The following EYA4 variants were observed in gnomAD, a reference collection of about 807,000 sequenced individuals.
EYA4 encodes EYA transcriptional coactivator and phosphatase 4.
A neutral mutation model predicts 87.9 loss-of-function variants in EYA4; 31 were observed. The observed-to-expected ratio is 0.35, with a 90% CI of 0.27 to 0.48. EYA4 has a LOEUF of 0.48. EYA4 is among the 20% of genes least tolerant of loss of function. The pLI is 0.99. For synonymous variants in EYA4, 263 were observed against 270.6 expected (o/e 0.97, Z 0.28); for missense variants, 678 against 761.4 (o/e 0.89, Z 1.29).
intron 6 of EYA4, among the ~76,000 whole-genome samples, chr6:133,457,578 A>T (rs1430191055): frequency 6.6e-6 from 1 of 152,168 alleles, no homozygotes; most frequent in Non-Finnish European, 1.5e-5. Context: ...TTTACAGATG[A>T]TCTAATTTCA....
chr6:133,476,676 T>C (rs921580988), intron 11 of EYA4, among the ~76,000 whole-genome samples: 6 of 152,148 alleles, frequency 3.9e-5, no homozygotes, highest in African/African-American at 9.7e-5. Context: ...GTTGACTCCA[T>C]ATCTTGGCTA....
At chr6:133,511,871 C>G (rs1799174514) in intron 14 of EYA4, 1 of 151,964 alleles carries the variant, frequency 6.6e-6, no homozygotes, top group African/African-American at 2.4e-5. Flanking sequence ...GTCCCAGCTA[C>G]TCGGGAGGCT....
intron 2 of EYA4, among the ~76,000 whole-genome samples, chr6:133,341,568 CT>C (rs772011303): frequency 5.9e-5 from 9 of 151,946 alleles, no homozygotes; most frequent in Non-Finnish European, 1.3e-4. Context: ...TAAGAATAGC[CT>C]AATAAATTCT....
chr6:133,425,602 T>G (rs1446393103), intron 3 of EYA4, among the ~76,000 whole-genome samples: 3 of 150,822 alleles, frequency 2.0e-5, no homozygotes, highest in African/African-American at 7.5e-5. Context: ...GAATTATTTT[T>G]GTAATGTCCC....
At chr6:133,242,084 C>A (rs901843288) in intron 1 of EYA4, among the ~76,000 whole-genome samples, 1 of 152,234 alleles carries the variant, frequency 6.6e-6, no homozygotes, top group African/African-American at 2.4e-5. Flanking sequence ...ATCCAGCAGT[C>A]CAGCGCGCGG....
chr6:133,282,116 G>A (rs1777675990), intron 2 of EYA4, among the ~76,000 whole-genome samples: 1 of 152,130 alleles, frequency 6.6e-6, no homozygotes, highest in South Asian at 2.1e-4. Context: ...CCAGTAGTAG[G>A]ATTGCTGGGT....
chr6:133,357,940 A>G (rs1387272089), intron 2 of EYA4, among the ~76,000 whole-genome samples: 1 of 151,750 alleles, frequency 6.6e-6, no homozygotes, highest in Non-Finnish European at 1.5e-5. Context: ...ATTTGAGAAA[A>G]ATAATTATCT....
At chr6:133,489,343 G>A (rs868791630) in intron 13 of EYA4, among the ~76,000 whole-genome samples, 1 of 152,048 alleles carries the variant, frequency 6.6e-6, no homozygotes, top group Non-Finnish European at 1.5e-5. Context: ...TTATTGAAAA[G>A]GATAATAACA....
intron 2 of EYA4, among the ~76,000 whole-genome samples, chr6:133,344,207 G>A (rs1484330238): frequency 1.3e-5 from 2 of 152,162 alleles, no homozygotes; most frequent in African/African-American, 4.8e-5. Flanking sequence ...AAGAGATCGG[G>A]AGACCCAAGC....
intron 2 of EYA4, among the ~76,000 whole-genome samples, chr6:133,346,960 T>G (rs1783242031): frequency 6.6e-6 from 1 of 152,202 alleles, no homozygotes; most frequent in East Asian, 1.9e-4. Flanking sequence ...ATACTGACAT[T>G]GTAAAGATGA....
intron 3 of EYA4, among the ~76,000 whole-genome samples, chr6:133,390,539 C>T (rs902242220): frequency 9.9e-5 from 15 of 152,182 alleles, no homozygotes; most frequent in African/African-American, 2.7e-4. Flanking sequence ...CCTTATTTTA[C>T]TCTGTTAAAT....
At chr6:133,435,722 G>A (rs1029096904) in intron 3 of EYA4, among the ~76,000 whole-genome samples, 1 of 152,156 alleles carries the variant, frequency 6.6e-6, no homozygotes, top group Non-Finnish European at 1.5e-5. Context: ...CTGATACACA[G>A]CAGTGGCATG....
intron 3 of EYA4, among the ~76,000 whole-genome samples, chr6:133,398,159 A>G (rs1286322269): frequency 5.3e-5 from 8 of 152,230 alleles, no homozygotes; most frequent in African/African-American, 1.9e-4. Context: ...CTTGTTGCCT[A>G]GTCAAGAAAC....
intron 1 of EYA4, among the ~76,000 whole-genome samples, chr6:133,259,067 A>G (rs1025518334): frequency 6.6e-6 from 1 of 152,180 alleles, no homozygotes; most frequent in African/African-American, 2.4e-5. Context: ...TTTATAATTG[A>G]GTGATTTAAA....
At position 133,498,364 on chromosome 6, in the gene EYA4, A is replaced by G. The variant is rs931453147; in HGVS notation, c.1192-7742A>G. On this transcript the variant is annotated intron_variant, in intron 13 of 19. Coordinates refer to ENST00000355286, the MANE Select transcript of EYA4 (RefSeq NM_004100.5). ...GAGCCTCAGTTGTCTTGTATATAAA[A>G]TAAGGAGAATAATAAAAGTAGTAAT... 5.9e-5 allele frequency among the ~76,000 whole-genome samples: 9 copies of G among 152,328 alleles called. No homozygotes were observed. The South Asian group carries it at 1.7e-3, about 28-fold the overall frequency.
At chr6:133,427,408 T>A (rs182401181) in intron 3 of EYA4, among the ~76,000 whole-genome samples, 1 of 152,208 alleles carries the variant, frequency 6.6e-6, no homozygotes, top group Non-Finnish European at 1.5e-5. Flanking sequence ...ATAGTTCTAT[T>A]ACAGAAGTGG....
intron 2 of EYA4, among the ~76,000 whole-genome samples, chr6:133,328,218 G>T (rs1781654917): frequency 6.6e-6 from 1 of 152,122 alleles, no homozygotes; most frequent in African/African-American, 2.4e-5. Flanking sequence ...AGTTGATTAT[G>T]TGAGGATTAA....
intron 2 of EYA4, among the ~76,000 whole-genome samples, chr6:133,308,988 A>G (rs930610686): frequency 1.3e-5 from 2 of 151,988 alleles, no homozygotes; most frequent in Non-Finnish European, 2.9e-5. Context: ...AGAGGAAGCA[A>G]GGTTGTGACT....
In EYA4 at chr6:133,530,582, A is replaced by C. The variant is rs983030009; in HGVS notation, c.*1777A>C. ...ACTGAGGCCTCTGTGGCTTCAATAA[A>C]GTCTACATTTTGCTCACAGATCACA... On this transcript the variant is annotated 3_prime_UTR_variant, in exon 20 of 20. Transcript: ENST00000355286. 1.0e-6 allele frequency: 1 copy of C among 985,856 alleles called. No individual in the cohort carries two copies. The highest frequency in any genetic ancestry group is 1.7e-5 in the African/African-American group (1 of 57,358). 61.1% of individuals were successfully genotyped at this position (985,856 alleles called of 1,614,324 possible). A position where few individuals can be genotyped will look rare whatever the true frequency, so the allele number is the denominator to read the frequency against.
Sources: allele counts gnomAD v4.1 joint callset (sites outside exome capture counted in the v4.1 genomes callset), GRCh38; gene constraint gnomAD v4.1.1; transcripts MANE v1.5; gene names NCBI Gene and HGNC (gene_info 2026-07-23, HGNC 2026-07-21).